Variants in KIAA1217 observed in about 807,000 individuals in gnomAD.
KIAA1217 encodes sickle tail protein homolog.
A neutral mutation model predicts 163.9 loss-of-function variants in KIAA1217; 88 were observed. That is an observed-to-expected ratio of 0.54 (90% CI 0.45 to 0.64). The LOEUF is 0.64. Among genes scored for constraint, KIAA1217 ranks in the 30% least tolerant of loss-of-function variants. KIAA1217 has a pLI of 0.00. For synonymous variants in KIAA1217, 903 were observed against 923.1 expected (o/e 0.98, Z 0.39); for missense variants, 2,372 against 2,475.0 (o/e 0.96, Z 0.88).
intron 2 of KIAA1217, among the ~76,000 whole-genome samples, chr10:24,132,171 T>C (rs988829330): frequency 1.3e-5 from 2 of 152,186 alleles, no homozygotes; most frequent in African/African-American, 4.8e-5. Flanking sequence ...TTGACAGTGA[T>C]GTACCTCACT....
At chr10:24,392,774 T>A (rs2055155970) in intron 3 of KIAA1217, among the ~76,000 whole-genome samples, 1 of 152,216 alleles carries the variant, frequency 6.6e-6, no homozygotes, top group Non-Finnish European at 1.5e-5. Flanking sequence ...AATGGTTTGG[T>A]TGGAACAAGA....
intron 2 of KIAA1217, among the ~76,000 whole-genome samples, chr10:24,010,451 G>C (rs1404927272): frequency 6.7e-6 from 1 of 149,388 alleles, no homozygotes; most frequent in Admixed American, 6.7e-5. Context: ...TTGAAAGTCA[G>C]AAATAAAAGC....
At chr10:24,458,807 T>C (rs2062059890) in intron 5 of KIAA1217, among the ~76,000 whole-genome samples, 2 of 152,180 alleles carry the variant, frequency 1.3e-5, no homozygotes, top group South Asian at 4.1e-4. Context: ...ACAATATTTA[T>C]AATAGAGAAA....
chr10:23,726,086 G>A (rs1455247718), intron 1 of KIAA1217, among the ~76,000 whole-genome samples: 1 of 151,968 alleles, frequency 6.6e-6, no homozygotes, highest in African/African-American at 2.4e-5. Flanking sequence ...TTCTTCCTAC[G>A]ATTTTAAGGA....
chr10:23,819,125 A>C (rs559547828), intron 1 of KIAA1217, among the ~76,000 whole-genome samples: 1 of 152,336 alleles, frequency 6.6e-6, no homozygotes, highest in African/African-American at 2.4e-5. Flanking sequence ...TTTCTGTGGA[A>C]AAGGGTGCTG....
At chr10:24,393,326 G>A (rs1435979433) in intron 3 of KIAA1217, among the ~76,000 whole-genome samples, 1 of 152,200 alleles carries the variant, frequency 6.6e-6, no homozygotes, top group Non-Finnish European at 1.5e-5. Context: ...TGGTCTACTG[G>A]CATCCAGATT....
chr10:24,390,878 C>T (rs1274186464), intron 3 of KIAA1217, among the ~76,000 whole-genome samples: 2 of 152,104 alleles, frequency 1.3e-5, no homozygotes, highest in Non-Finnish European at 2.9e-5. Context: ...AAAAAGGCAG[C>T]GTTGTCCAGG....
chr10:24,214,327 C>G (rs2068536274), intron 1 of KIAA1217, among the ~76,000 whole-genome samples: 1 of 152,176 alleles, frequency 6.6e-6, no homozygotes, highest in Non-Finnish European at 1.5e-5. Context: ...TCAGACACAG[C>G]ACAGTGTGAT....
intron 2 of KIAA1217, among the ~76,000 whole-genome samples, chr10:24,146,958 C>T (rs939710597): frequency 7.0e-6 from 1 of 142,100 alleles, no homozygotes; most frequent in Non-Finnish European, 1.5e-5. Context: ...GTTACTCGCA[C>T]ATTTCCGTGT....
chr10:24,015,754 C>CAA (rs3072771), intron 2 of KIAA1217, among the ~76,000 whole-genome samples: 2,138 of 121,030 alleles, frequency 0.018, 27 homozygotes, highest in Non-Finnish European at 0.022. Context: ...GACTCTGACT[C>CAA]AAAAAAAAAA....
chr10:23,861,450 T>C (rs1839946125), intron 1 of KIAA1217, among the ~76,000 whole-genome samples: 1 of 152,172 alleles, frequency 6.6e-6, no homozygotes, highest in Non-Finnish European at 1.5e-5. Flanking sequence ...ATATGTTACA[T>C]TACACGGTAG....
At position 23,738,953 on chromosome 10, in the gene KIAA1217, G is replaced by C. The variant is rs144528870; in HGVS notation, c.-321+43719G>C. Among the ~76,000 whole-genome samples the C allele has an allele frequency of 1.4e-4, 22 of 152,330 alleles. No homozygotes were observed. In the East Asian group the frequency reaches 3.9e-3, roughly 27 times the overall value. On this transcript the variant is annotated intron_variant, in intron 1 of 18. Transcript: ENST00000376462. ...GTGCCCTAGAGAAAAGTAAAGTAGGGAAAGGAGAGAAGAATTTTTGGATCA... is the reference window on the plus strand; with the variant it reads ...GTGCCCTAGAGAAAAGTAAAGTAGGCAAAGGAGAGAAGAATTTTTGGATCA...
chr10:24,187,667 G>A lies in KIAA1217; in HGVS notation c.-170-31959G>A, dbSNP rs148914098. Among the ~76,000 whole-genome samples the A allele has an allele frequency of 2.0e-5, 3 of 152,032 alleles. No individual in the cohort carries two copies. The South Asian group carries it at 6.2e-4, about 32-fold the overall frequency. ...GCACTTTGGGAGGCTGAGGCAGGTG[G>A]ATCACCTGAGGGCAGGAGTTCGAGA... is the stretch of plus-strand genomic sequence containing the variant. On this transcript the variant is annotated intron_variant, in intron 2 of 18. Coordinates refer to the KIAA1217 transcript ENST00000376462.
At chr10:24,167,963 C>T (rs555236955) in intron 2 of KIAA1217, among the ~76,000 whole-genome samples, 13 of 152,264 alleles carry the variant, frequency 8.5e-5, no homozygotes, top group African/African-American at 3.1e-4. Context: ...ATAACGTTGC[C>T]CATCCATGAG....
intron 5 of KIAA1217, chr10:24,466,922 A>T (rs950458971): frequency 2.1e-5 from 6 of 288,600 alleles, no homozygotes; most frequent in African/African-American, 1.4e-4. Flanking sequence ...GTGGGGTTTG[A>T]AATACAACAA....
intron 2 of KIAA1217, among the ~76,000 whole-genome samples, chr10:24,044,774 G>C (rs903265203): frequency 3.3e-5 from 5 of 152,218 alleles, no homozygotes; most frequent in African/African-American, 4.8e-5. Flanking sequence ...AAGCTGAAAA[G>C]TGTGCTAAAT....
intron 1 of KIAA1217, among the ~76,000 whole-genome samples, chr10:23,761,823 TG>T: frequency 6.6e-6 from 1 of 151,826 alleles, no homozygotes; most frequent in Non-Finnish European, 1.5e-5. Context: ...AATTAGCTGG[TG>T]TTTTTTTTTG....
At chr10:24,166,034 G>A (rs1422945136) in intron 2 of KIAA1217, among the ~76,000 whole-genome samples, 1 of 152,128 alleles carries the variant, frequency 6.6e-6, no homozygotes, top group African/African-American at 2.4e-5. Context: ...AATTTTTTAA[G>A]AGTCAAGAGA....
chr10:23,921,412 A>G (rs1251548771), intron 1 of KIAA1217, among the ~76,000 whole-genome samples: 1 of 152,188 alleles, frequency 6.6e-6, no homozygotes, highest in African/African-American at 2.4e-5. Flanking sequence ...ATCTGCTTGA[A>G]TAATTTAGCT....
Sources: gnomAD v4.1 joint callset for allele counts (sites outside exome capture counted in the v4.1 genomes callset) on GRCh38, gnomAD v4.1.1 for gene constraint, MANE v1.5 for transcripts, NCBI Gene and HGNC (gene_info 2026-07-23, HGNC 2026-07-21) for gene names.